PPT1: variants seen among roughly 807,000 people sequenced by gnomAD.
The protein encoded by PPT1 is ceroid-palmitoyl-palmitoyl-protein thioesterase 1.
In PPT1, 24 loss-of-function variants were observed where a neutral mutation model predicts 44.0. That is an observed-to-expected ratio of 0.54 (90% CI 0.39 to 0.77). The LOEUF is 0.77. PPT1 is among the 30% of genes least tolerant of loss of function. The pLI, the probability that PPT1 is intolerant of heterozygous loss-of-function variation, is 0.00. For synonymous variants in PPT1, 148 were observed against 140.2 expected (o/e 1.06, Z -0.39); for missense variants, 341 against 378.8 (o/e 0.90, Z 0.83).
intron 6 of PPT1, 161 bp from the exon 7 acceptor site, chr1:40,078,819 G>GC (rs1384253366): frequency 3.0e-6 from 2 of 675,310 alleles, no homozygotes; most frequent in South Asian, 3.1e-5. Flanking sequence ...TACCTGTACA[G>GC]CTTTTTTTTT....
At chr1:40,077,117 G>A (rs932894106) in intron 7 of PPT1, among the ~76,000 whole-genome samples, 3 of 152,234 alleles carry the variant, frequency 2.0e-5, no homozygotes, top group Admixed American at 6.5e-5. Context: ...CTGAGAGGCC[G>A]CTTTCCACTT....
intron 7 of PPT1, 136 bp from the exon 8 acceptor site, chr1:40,077,049 AG>A: frequency 9.4e-7 from 1 of 1,059,322 alleles, no homozygotes; most frequent in Non-Finnish European, 1.4e-6. Context: ...AAAAATGGAT[AG>A]GGTGCGTCTG....
intron 6 of PPT1, among the ~76,000 whole-genome samples, chr1:40,079,392 C>CTTTTTTTTTCTT (rs1648805448): frequency 1.1e-5 from 1 of 90,106 alleles, no homozygotes; most frequent in Non-Finnish European, 2.0e-5. Flanking sequence ...TTTTCTTTTC[C>CTTTTTTTTTCTT]TTTTTTTTTT....
Position 40,078,414 on chromosome 1 carries a change from C to G in PPT1, c.726+146G>C, listed in dbSNP as rs978379938. 102 of 726,214 alleles carry G rather than the reference C, an allele frequency of 1.4e-4. 1 individual carries two copies. In the East Asian group the frequency reaches 2.7e-3, roughly 19 times the overall value. 45.0% of individuals were successfully genotyped at this position (726,214 alleles called of 1,614,324 possible). Reference sequence around the variant, plus strand: ...ATGGGGTTTCACCAAGTTGGCCAGGCTGGTCTTGAACTCCTGACCTCAGGT... The same window carrying G: ...ATGGGGTTTCACCAAGTTGGCCAGGGTGGTCTTGAACTCCTGACCTCAGGT... On this transcript the variant is annotated intron_variant, in intron 7 of 8. Coordinates refer to ENST00000642050, the MANE Select transcript of PPT1 (RefSeq NM_000310.4).
chr1:40,088,708 TG>T (rs1462108361), intron 5 of PPT1, among the ~76,000 whole-genome samples: 1 of 152,202 alleles, frequency 6.6e-6, no homozygotes, highest in Non-Finnish European at 1.5e-5. Flanking sequence ...TATGCCAGGC[TG>T]GCCATGCTAA....
At chr1:40,074,352 T>C (rs1279874046) in intron 8 of PPT1, among the ~76,000 whole-genome samples, 169 bp from the exon 9 acceptor site, 2 of 151,308 alleles carry the variant, frequency 1.3e-5, no homozygotes, top group African/African-American at 2.4e-5. Context: ...TCTTTTTCTT[T>C]CTCTTTTTTC....
intron 1 of PPT1, chr1:40,094,143 A>G: frequency 8.9e-6 from 5 of 560,780 alleles, no homozygotes; most frequent in South Asian, 7.3e-5. Flanking sequence ...GAACAGATGC[A>G]AAGTTTTCTC....
intron 1 of PPT1, 74 bp downstream of exon 1, chr1:40,097,041 G>T (rs1649894102): frequency 1.1e-5 from 18 of 1,612,544 alleles, no homozygotes; most frequent in Non-Finnish European, 1.4e-5. Flanking sequence ...CTCTACACCC[G>T]CATTTTGCAG....
chr1:40,083,811 T>A (rs778517980), intron 5 of PPT1, among the ~76,000 whole-genome samples: 70 of 151,262 alleles, frequency 4.6e-4, no homozygotes, highest in Admixed American at 7.9e-4. Flanking sequence ...TTTGGGAGGG[T>A]GAGGAGGGAA....
At position 40,074,180 on chromosome 1, in the gene PPT1, G is replaced by A. The variant is rs200813294; in HGVS notation, c.802C>T (p.Arg268Cys). The change falls in exon 9 of 9, where the codon CGC becomes TGC. Residue 268 changes from arginine to cysteine, a missense_variant. Transcript: ENST00000642050. ...LQETSLYTQD[R>C]LGLKEMDNAG... ...TTGTCCATTTCCTTTAGCCCCAGGC[G>A]GTCCTGCAGAAGGAAAGGCCATAAT... 190 of 1,614,070 alleles carry A rather than the reference G, an allele frequency of 1.2e-4. No homozygotes were observed. The highest frequency in any genetic ancestry group is 1.5e-4 in the Non-Finnish European group (180 of 1,180,004).
intron 1 of PPT1, among the ~76,000 whole-genome samples, chr1:40,095,316 G>A (rs1485363638): frequency 6.6e-6 from 1 of 152,182 alleles, no homozygotes; most frequent in Non-Finnish European, 1.5e-5. Context: ...CAAATGGAAT[G>A]GAGTGCCTCA....
chr1:40,086,354 G>C (rs905270674), intron 5 of PPT1, among the ~76,000 whole-genome samples: 2 of 152,208 alleles, frequency 1.3e-5, no homozygotes, highest in African/African-American at 4.8e-5. Context: ...GAAGGAGAGA[G>C]AGAACTATTA....
At chr1:40,087,402 C>T (rs1649319335) in intron 5 of PPT1, among the ~76,000 whole-genome samples, 2 of 151,936 alleles carry the variant, frequency 1.3e-5, no homozygotes, top group South Asian at 4.2e-4. Context: ...ACCACCACGC[C>T]TGCCTAATTT....
intron 5 of PPT1, among the ~76,000 whole-genome samples, chr1:40,084,975 CCCA>C (rs906276776): frequency 1.1e-4 from 16 of 152,298 alleles, no homozygotes; most frequent in Admixed American, 2.6e-4. Context: ...AGGAAAAACA[CCCA>C]CTACTTAGCA....
intron 4 of PPT1, among the ~76,000 whole-genome samples, chr1:40,090,466 G>A (rs1321165158): frequency 1.3e-5 from 2 of 151,908 alleles, no homozygotes; most frequent in Non-Finnish European, 2.9e-5. Context: ...GTATGTATGT[G>A]CATATATGTG....
chr1:40,077,200 C>G (rs944462817), intron 7 of PPT1, among the ~76,000 whole-genome samples: 4 of 152,206 alleles, frequency 2.6e-5, no homozygotes, highest in Non-Finnish European at 5.9e-5. Context: ...TCTAGACATT[C>G]AAGGATGAAT....
chr1:40,072,442 A>C (rs2124461572), downstream of PPT1: 1 of 193,940 alleles, frequency 5.2e-6, no homozygotes, highest in Non-Finnish European at 1.0e-5. Context: ...TTAGGTCTTG[A>C]ATTATGTAAG....
rs199882794 is a variant in PPT1, at chr1:40,074,049, A to G, written c.*12T>C. The G allele has an allele frequency of 2.2e-4, 352 of 1,614,092 alleles. 2 individuals are homozygous for G. In the African/African-American group the frequency reaches 4.2e-3, roughly 19 times the overall value. On this transcript the variant is annotated 3_prime_UTR_variant, in exon 9 of 9. Transcript: ENST00000642050. Reference sequence around the variant, plus strand: ...AGGGGCTCCCTGAGCTCTATTGTGAACTATACGGGTTTCATCCAAGGAATG... The same window carrying G: ...AGGGGCTCCCTGAGCTCTATTGTGAGCTATACGGGTTTCATCCAAGGAATG...
chr1:40,083,841 T>C (rs749249642), intron 5 of PPT1, among the ~76,000 whole-genome samples: 13 of 151,382 alleles, frequency 8.6e-5, no homozygotes, highest in Non-Finnish European at 1.6e-4. Flanking sequence ...AGCCCAGGAG[T>C]GTGAGACTAG....
Sources: allele counts gnomAD v4.1 joint callset (sites outside exome capture counted in the v4.1 genomes callset), GRCh38; gene constraint gnomAD v4.1.1; transcripts MANE v1.5; gene names NCBI Gene and HGNC (gene_info 2026-07-23, HGNC 2026-07-21).